Variants in CECR2 observed in about 807,000 individuals in gnomAD.
CECR2 encodes the protein chromatin remodeling regulator CECR2.
In CECR2, 30 loss-of-function variants were observed where a neutral mutation model predicts 154.5. The observed-to-expected ratio is 0.19, with a 90% CI of 0.15 to 0.26. The LOEUF is 0.26. Ranked by LOEUF, CECR2 falls within the 10% of genes least tolerant of loss-of-function variation. The pLI is 1.00. For synonymous variants in CECR2, 725 were observed against 683.7 expected, an observed-to-expected ratio of 1.06 and a Z score of -0.94; for missense variants, 1,743 against 1,829.3, an observed-to-expected ratio of 0.95 and a Z score of 0.86.
At chr22:17,463,496 T>C (rs1248664379) in intron 1 of CECR2, among the ~76,000 whole-genome samples, 1 of 152,114 alleles carries the variant, frequency 6.6e-6, no homozygotes, top group Non-Finnish European at 1.5e-5. Context: ...TGAATCTCTT[T>C]TGAATATAGT....
At chr22:17,429,457 T>C (rs1218994399) in intron 1 of CECR2, among the ~76,000 whole-genome samples, 1 of 150,674 alleles carries the variant, frequency 6.6e-6, no homozygotes, top group African/African-American at 2.5e-5. Context: ...ATCCCAGCAC[T>C]TTGGGAAGCC....
At chr22:17,454,104 T>C (rs540965274) in intron 1 of CECR2, among the ~76,000 whole-genome samples, 5 of 152,222 alleles carry the variant, frequency 3.3e-5, no homozygotes, top group South Asian at 4.1e-4. Flanking sequence ...GTAAAGAGTT[T>C]AGCACAGTGT....
At chr22:17,429,647 T>C (rs895812566) in intron 1 of CECR2, among the ~76,000 whole-genome samples, 1 of 152,094 alleles carries the variant, frequency 6.6e-6, no homozygotes, top group African/African-American at 2.4e-5. Context: ...GGTTGACTTA[T>C]GGAAGATAAA....
At chr22:17,398,213 T>TA (rs2053842361) in intron 1 of CECR2, among the ~76,000 whole-genome samples, 1 of 146,488 alleles carries the variant, frequency 6.8e-6, no homozygotes, top group Non-Finnish European at 1.5e-5. Flanking sequence ...TGGGGGGGGG[T>TA]ATTATAAAAT....
rs969612806 is a variant in CECR2 at position 17,413,233 on chromosome 22, C to T, written c.126+43324C>T. Among the ~76,000 whole-genome samples the T allele has an allele frequency of 1.3e-5, 2 of 152,280 alleles. 1 individual carries two copies. Among genetic ancestry groups the T allele is most frequent in the South Asian group, 4.1e-4 (2 of 4,826 alleles). ...AAAACACAGAGGAGAACAAAGAGAG[C>T]AGGTTGATGGTTCTAACCTTGGAGA... is the stretch of plus-strand genomic sequence containing the variant. On this transcript the variant is annotated intron_variant, in intron 1 of 18. Coordinates refer to ENST00000262608, the MANE Select transcript of CECR2 (RefSeq NM_001290047.2).
chr22:17,504,574 T>C (rs901670119), intron 6 of CECR2, among the ~76,000 whole-genome samples: 7 of 151,678 alleles, frequency 4.6e-5, no homozygotes, highest in Admixed American at 1.3e-4. Context: ...GTAGCTAGGA[T>C]CACAGGCGCC....
intron 6 of CECR2, 116 bp downstream of exon 6, chr22:17,503,247 C>T: frequency 2.3e-6 from 2 of 877,538 alleles, no homozygotes; most frequent in Non-Finnish European, 3.6e-6. Context: ...TAGCCTTTTA[C>T]CTACCCCCTG....
Position 17,385,623 on chromosome 22 carries a change from A to C in CECR2, c.126+15714A>C, listed in dbSNP as rs76415232. ...AGATCAACATAACAGATTTAATAAT[A>C]ATCATGAAAATGTTTGAAATATTGT... On this transcript the variant is annotated intron_variant, in intron 1 of 18. Transcript: ENST00000262608. Among the ~76,000 whole-genome samples the C allele has an allele frequency of 5.0e-3, 755 of 152,346 alleles. 9 individuals carry two copies. Among genetic ancestry groups the C allele is most frequent in the African/African-American group, 0.017 (718 of 41,582 alleles).
At chr22:17,523,766 A>G (rs895011290) in intron 8 of CECR2, among the ~76,000 whole-genome samples, 3 of 135,606 alleles carry the variant, frequency 2.2e-5, no homozygotes, top group South Asian at 2.2e-4. Flanking sequence ...AAAAAAAAAA[A>G]AAAAAAAAAG....
intron 1 of CECR2, among the ~76,000 whole-genome samples, chr22:17,435,341 G>C (rs1442960012): frequency 6.6e-6 from 1 of 152,088 alleles, no homozygotes; most frequent in African/African-American, 2.4e-5. Context: ...TTTTCAGATT[G>C]ACAGTCCATG....
intron 8 of CECR2, among the ~76,000 whole-genome samples, chr22:17,516,846 G>T (rs917840495): frequency 1.3e-5 from 2 of 151,642 alleles, no homozygotes; most frequent in African/African-American, 4.9e-5. Context: ...TGCCCGCCTC[G>T]TCCTCCCAAA....
At chr22:17,404,397 G>T in intron 1 of CECR2, among the ~76,000 whole-genome samples, 1 of 27,046 alleles carries the variant, frequency 3.7e-5, no homozygotes, top group Non-Finnish European at 7.9e-5. Context: ...TTTTTGAGAC[G>T]GAGTCTCGCT....
rs544563025 is a variant in CECR2 at position 17,486,375 on chromosome 22, G to A, written c.221+8693G>A. Among the ~76,000 whole-genome samples, 144 of 152,318 alleles carry A rather than the reference G, an allele frequency of 9.5e-4. 1 individual carries two copies. Among genetic ancestry groups the A allele is most frequent in the African/African-American group, 3.1e-3 (130 of 41,570 alleles). On this transcript the variant is annotated intron_variant, in intron 2 of 18. Transcript: ENST00000262608. ...AGTGGTATAAAGTGGTATTTTCCTG[G>A]GTGTAAGGCGTGGGGCTGGACTCCG...
intron 9 of CECR2, 31 bp downstream of exon 9, chr22:17,524,302 G>C: frequency 6.3e-7 from 1 of 1,599,470 alleles, no homozygotes; most frequent in Non-Finnish European, 8.5e-7. Context: ...GTCTGGAGAG[G>C]TGCATGTCTG....
intron 2 of CECR2, among the ~76,000 whole-genome samples, chr22:17,490,657 G>A (rs1295112048): frequency 6.6e-6 from 1 of 151,372 alleles, no homozygotes; most frequent in Non-Finnish European, 1.5e-5. Context: ...CACCATATTG[G>A]CCAGGCTGGT....
At position 17,549,488 on chromosome 22, in the gene CECR2, C is replaced by A; in HGVS notation, c.4201C>A (p.Gln1401Lys). The change falls in exon 17 of 19, where the codon CAA (glutamine) becomes AAA (lysine). Residue 1401 changes from glutamine (Q) to lysine (K), a missense_variant. This residue lies in a region of CECR2 where 1,250 missense variants were observed against 1,192.1 expected (regional missense o/e 1.05). Transcript: ENST00000262608. Reference protein sequence around the residue: ...RCQEEGLGHFQAVMMEQIGTR... With the variant: ...RCQEEGLGHFKAVMMEQIGTR... ...CCAGGAAGAAGGCCTGGGTCACTTT[C>A]AAGCTGTGATGATGGAACAAATTGG... is the stretch of plus-strand genomic sequence containing the variant. The A allele has an allele frequency of 6.2e-7, 1 of 1,609,584 alleles. No individual in the cohort carries two copies.
chr22:17,552,171 C>G lies in CECR2; in HGVS notation c.4389+29C>G, dbSNP rs765176963. The G allele has an allele frequency of 3.6e-5, 57 of 1,581,196 alleles. 1 individual carries two copies. Among genetic ancestry groups the G allele is most frequent in the Middle Eastern group, 1.7e-4 (1 of 6,004 alleles). On this transcript the variant is annotated intron_variant, in intron 18 of 18. Transcript: ENST00000262608. ...AGGATCACTAAAAATTAGAGCTGTT[C>G]TTCTTCCTCCAGGTGGTAGGAAGTA...
At chr22:17,404,213 C>T (rs548772691) in intron 1 of CECR2, among the ~76,000 whole-genome samples, 8 of 143,836 alleles carry the variant, frequency 5.6e-5, no homozygotes, top group East Asian at 4.3e-4. Context: ...GAGCCGAGAT[C>T]GTGCCACTGC....
intron 8 of CECR2, among the ~76,000 whole-genome samples, chr22:17,519,384 C>T (rs939315258): frequency 2.6e-5 from 4 of 151,650 alleles, no homozygotes; most frequent in Non-Finnish European, 4.4e-5. Flanking sequence ...CTCTGCCTCC[C>T]GAGTAGCTGG....
Sources: allele counts gnomAD v4.1 joint callset (sites outside exome capture counted in the v4.1 genomes callset), GRCh38; gene constraint gnomAD v4.1.1; regional missense constraint gnomAD v4.1.1; transcripts MANE v1.5; gene names NCBI Gene and HGNC (gene_info 2026-07-23, HGNC 2026-07-21).